Variants in KIF26B observed in about 807,000 individuals in gnomAD.
The protein encoded by KIF26B is kinesin-like protein KIF26B.
KIF26B carries 63 observed loss-of-function variants against 151.2 expected under a neutral mutation model. The ratio of observed to expected loss-of-function variants is 0.42; its 90% CI spans 0.34 to 0.51. KIF26B has a LOEUF of 0.51. Ranked by LOEUF, KIF26B falls within the 20% of genes least tolerant of loss-of-function variation. The probability of loss-of-function intolerance (pLI) is 0.07; values close to 1 mark genes in which losing one functional copy is unlikely to be tolerated. For synonymous variants in KIF26B, 1,357 were observed against 1,262.1 expected (o/e 1.08, Z -1.59); for missense variants, 2,813 against 2,913.6 (o/e 0.97, Z 0.79).
intron 4 of KIF26B, among the ~76,000 whole-genome samples, chr1:245,453,996 G>A (rs912072418): frequency 2.6e-5 from 4 of 152,138 alleles, no homozygotes; most frequent in Non-Finnish European, 4.4e-5. Flanking sequence ...TGGGAAGGGC[G>A]GGTTTCAATA....
chr1:245,453,753 A>G (rs1170285297), intron 4 of KIF26B, among the ~76,000 whole-genome samples: 1 of 152,230 alleles, frequency 6.6e-6, no homozygotes, highest in African/African-American at 2.4e-5. Context: ...GACACTAACA[A>G]GTCTTCAGTT....
intron 2 of KIF26B, among the ~76,000 whole-genome samples, chr1:245,263,925 G>A (rs1213107924): frequency 1.3e-5 from 2 of 152,318 alleles, no homozygotes; most frequent in Admixed American, 6.5e-5. Context: ...TTCTCACGCT[G>A]AGCCTTTTCC....
chr1:245,466,111 G>A (rs2103060908), intron 4 of KIF26B, among the ~76,000 whole-genome samples: 1 of 152,336 alleles, frequency 6.6e-6, no homozygotes, highest in East Asian at 1.9e-4. Context: ...TATGTTTTCA[G>A]GGGATCCATA....
chr1:245,235,873 T>C (rs1294860383), intron 2 of KIF26B, among the ~76,000 whole-genome samples: 1 of 152,074 alleles, frequency 6.6e-6, no homozygotes, highest in Non-Finnish European at 1.5e-5. Flanking sequence ...AAACAGTGCT[T>C]ATCGCCTTCC....
At chr1:245,406,907 C>T (rs1378871896) in intron 3 of KIF26B, among the ~76,000 whole-genome samples, 1 of 152,080 alleles carries the variant, frequency 6.6e-6, no homozygotes, top group Non-Finnish European at 1.5e-5. Flanking sequence ...TCTGCCTCAG[C>T]CTCCTGAGTA....
chr1:245,204,572 C>T (rs1446919592), intron 2 of KIF26B, among the ~76,000 whole-genome samples: 3 of 151,972 alleles, frequency 2.0e-5, no homozygotes, highest in Non-Finnish European at 4.4e-5. Context: ...CGGGGTTTCG[C>T]CATGTTGGCC....
At chr1:245,349,688 T>C (rs1381279322) in intron 2 of KIF26B, among the ~76,000 whole-genome samples, 1 of 152,004 alleles carries the variant, frequency 6.6e-6, no homozygotes, top group Non-Finnish European at 1.5e-5. Flanking sequence ...TGGCCAGGCA[T>C]AGTTAACAAT....
intron 2 of KIF26B, among the ~76,000 whole-genome samples, chr1:245,171,611 T>G (rs941681114): frequency 3.3e-5 from 5 of 152,340 alleles, no homozygotes; most frequent in African/African-American, 1.2e-4. Flanking sequence ...GCCATTAGTT[T>G]TTAACACTGT....
Position 245,685,924 on chromosome 1 carries a change from G to A in KIF26B, c.2941G>A (p.Asp981Asn), listed in dbSNP as rs767669015. 10 of 1,612,634 alleles carry A rather than the reference G, an allele frequency of 6.2e-6. No homozygotes were observed. The highest frequency in any genetic ancestry group is 8.5e-7 in the Non-Finnish European group (1 of 1,179,586). The change falls in exon 12 of 15, where the codon GAT becomes AAT. Residue 981 changes from aspartate to asparagine, a missense_variant. By Grantham distance (23) the Asp-to-Asn change is conservative. Around this residue, in one of 3 missense-constraint regions of KIF26B, gnomAD observed 2,060 missense variants for 2,088.6 expected, o/e 0.99. Coordinates refer to ENST00000407071, the MANE Select transcript of KIF26B (RefSeq NM_018012.4). ...ASPLSESDKE[D>N]NGSEGQLTNR... The stretch of plus-strand genomic sequence containing the variant: ...CCCACTCTCTGAGTCTGATAAGGAA[G>A]ATAATGGGTCCGAAGGTCAGCTGAC...
intron 2 of KIF26B, among the ~76,000 whole-genome samples, chr1:245,281,294 A>G (rs1671045376): frequency 2.7e-5 from 2 of 74,206 alleles, no homozygotes; most frequent in African/African-American, 6.7e-5. Context: ...AATGATTGCC[A>G]TTCTAACTGG....
intron 2 of KIF26B, among the ~76,000 whole-genome samples, chr1:245,307,943 T>C (rs534027513): frequency 2.0e-5 from 3 of 152,334 alleles, no homozygotes; most frequent in Middle Eastern, 6.8e-3. Flanking sequence ...GGTTTTACCA[T>C]GTTGGCCAGG....
intron 2 of KIF26B, among the ~76,000 whole-genome samples, chr1:245,165,548 A>G (rs988631530): frequency 2.6e-5 from 4 of 152,090 alleles, no homozygotes; most frequent in African/African-American, 9.7e-5. Context: ...AGAGAAGGTG[A>G]TGGAATCCAC....
In KIF26B at chr1:245,227,049, A is replaced by G. The variant is rs7554604; in HGVS notation, c.465+70366A>G. On this transcript the variant is annotated intron_variant, in intron 2 of 14. Transcript: ENST00000407071. The surrounding 1 kb of genome is among the most constrained non-coding windows in gnomAD (Gnocchi z 4.1). ...TCGAATGACCCACAGGGAATGGTGC[A>G]CCATTCACTCAGTCCACCCCTAGCA... is the stretch of plus-strand genomic sequence containing the variant. Among the ~76,000 whole-genome samples, 60,406 of 151,992 alleles carry G rather than the reference A, an allele frequency of 0.4. 13,210 individuals carry two copies. The highest frequency in any genetic ancestry group is 0.71 in the East Asian group (3,667 of 5,162).
At chr1:245,255,849 CA>C (rs1558363899) in intron 2 of KIF26B, among the ~76,000 whole-genome samples, 1 of 151,904 alleles carries the variant, frequency 6.6e-6, no homozygotes, top group Non-Finnish European at 1.5e-5. Context: ...TTTTTTTGCC[CA>C]GAGAGTAGCA....
intron 12 of KIF26B, 22 bp downstream of exon 12, chr1:245,688,829 C>A: frequency 6.5e-7 from 1 of 1,547,634 alleles, no homozygotes; most frequent in Non-Finnish European, 8.7e-7. Flanking sequence ...GGCGCAGGGA[C>A]GCGGGTGAGG....
chr1:245,576,570 T>C (rs947579696), intron 5 of KIF26B, among the ~76,000 whole-genome samples: 3 of 152,230 alleles, frequency 2.0e-5, no homozygotes, highest in Admixed American at 6.5e-5. Context: ...TCACCAGCTC[T>C]GGACCTGCAC....
intron 9 of KIF26B, 57 bp downstream of exon 9, chr1:245,612,033 TC>T (rs1482510835): frequency 4.1e-5 from 62 of 1,511,078 alleles, no homozygotes; most frequent in Non-Finnish European, 5.1e-5. Context: ...CAGCCAGAAA[TC>T]CCTTGGGCAA....
At chr1:245,693,027 C>T (rs1046156117) in intron 12 of KIF26B, among the ~76,000 whole-genome samples, 3 of 152,142 alleles carry the variant, frequency 2.0e-5, no homozygotes, top group Non-Finnish European at 4.4e-5. Flanking sequence ...CCAGTCCTCG[C>T]GCTCCCCCGT....
intron 9 of KIF26B, chr1:245,615,030 G>A (rs890499895): frequency 1.4e-5 from 2 of 138,860 alleles, no homozygotes; most frequent in Admixed American, 1.4e-4. Context: ...CTTTAAAATC[G>A]ACAGCACAAT....
Sources: allele counts gnomAD v4.1 joint callset (sites outside exome capture counted in the v4.1 genomes callset), GRCh38; gene constraint gnomAD v4.1.1; regional missense constraint gnomAD v4.1.1; non-coding constraint Gnocchi (gnomAD v3.1); transcripts MANE v1.5; gene names NCBI Gene and HGNC (gene_info 2026-07-23, HGNC 2026-07-21).